GPAM: variants seen among roughly 807,000 people sequenced by gnomAD.
GPAM encodes the protein glycerol-3-phosphate acyltransferase, mitochondrial.
Under a neutral mutation model 105.0 loss-of-function variants are expected in GPAM, and 56 were observed. That is an observed-to-expected ratio of 0.53 (90% CI 0.43 to 0.67). The LOEUF is 0.67. Ranked by LOEUF, GPAM falls within the 30% of genes least tolerant of loss-of-function variation. GPAM has a pLI of 0.00. For missense variants in GPAM, 855 were observed against 989.8 expected (o/e 0.86, Z 1.83); for synonymous variants, 368 against 354.4 (o/e 1.04, Z -0.43).
chr10:112,154,958 G>A, intron 20 of GPAM: 2 of 527,830 alleles, frequency 3.8e-6, no homozygotes, highest in Non-Finnish European at 6.8e-6. Context: ...GAAATAGGGA[G>A]AACAGAGGGA....
At chr10:112,157,960 G>A (rs1255952198) in intron 18 of GPAM, among the ~76,000 whole-genome samples, 1 of 152,148 alleles carries the variant, frequency 6.6e-6, no homozygotes, top group Non-Finnish European at 1.5e-5. Flanking sequence ...TTATTTATGA[G>A]ACTGAGTCTC....
At chr10:112,193,765 G>C (rs556125420) in intron 1 of GPAM, among the ~76,000 whole-genome samples, 2 of 152,344 alleles carry the variant, frequency 1.3e-5, no homozygotes, top group East Asian at 3.9e-4. Flanking sequence ...ATTGTTTTTA[G>C]GATTTGCTTT....
intron 14 of GPAM, among the ~76,000 whole-genome samples, chr10:112,162,651 T>C (rs1458776057): frequency 1.3e-5 from 2 of 152,152 alleles, no homozygotes; most frequent in Non-Finnish European, 2.9e-5. Flanking sequence ...CTCAGTACTA[T>C]ATGTATAGCT....
Position 112,157,299 on chromosome 10 carries a change from C to A in GPAM, c.2071G>T (p.Glu691Ter). Residue 691 changes from glutamate to a stop codon, truncating the protein, a stop_gained, in exon 19 of 22, where the codon GAA (glutamate) becomes TAA (stop). Coordinates refer to ENST00000348367, the MANE Select transcript of GPAM (RefSeq NM_001244949.2). LOFTEE classifies it high-confidence loss of function. ...TCCCCAAAGTCACTGTCTTCATCTT[C>A]TTCATCACTTCTCCAAGACAAAGGT... ...PEPLSWRSDE[E>*]DEDSDFGEEQ... 6.2e-7 allele frequency: 1 copy of A among 1,613,750 alleles called. No individual in the cohort carries two copies. The highest frequency in any genetic ancestry group is 1.1e-5 in the South Asian group (1 of 91,084).
In GPAM at chr10:112,190,936, T is replaced by C. The variant is rs567970337; in HGVS notation, n.211-8045A>G. On this transcript the variant is annotated intron_variant and non_coding_transcript_variant, in intron 1 of 3. Coordinates refer to the GPAM transcript ENST00000480130. ...AGCGATTGCTCCCAAGCTAAAATAT[T>C]TGTGATATTTCTTCTTACATACACA... Among the ~76,000 whole-genome samples the C allele has an allele frequency of 3.3e-5, 5 of 152,248 alleles. No homozygotes were observed. The East Asian group carries it at 5.8e-4, about 18-fold the overall frequency.
rs1358377133 is a variant in GPAM, at chr10:112,181,786, T to C, written c.-2A>G. 7 of 1,537,468 alleles carry C rather than the reference T, an allele frequency of 4.6e-6. No individual in the cohort carries two copies. In the South Asian group the frequency reaches 5.6e-5, roughly 12 times the overall value. ...AAGGGTCAGTGCAGATTCATCCATG[T>C]CACAAAGTGTAATTCCCAAATCATG... On this transcript the variant is annotated 5_prime_UTR_variant, in exon 3 of 22. Transcript: ENST00000348367.
intron 12 of GPAM, 123 bp from the exon 13 acceptor site, chr10:112,164,733 G>A: frequency 1.4e-6 from 1 of 693,586 alleles, no homozygotes; most frequent in Admixed American, 2.1e-5. Context: ...ATAGAGCATG[G>A]GAAATACTTT....
At chr10:112,179,042 A>C (rs1273507137) in intron 4 of GPAM, among the ~76,000 whole-genome samples, 2 of 152,232 alleles carry the variant, frequency 1.3e-5, no homozygotes, top group African/African-American at 4.8e-5. Context: ...TGTTCCCTCA[A>C]CAAATATAAA....
At chr10:112,159,834 GA>G in intron 17 of GPAM, 76 bp downstream of exon 17, 2 of 1,439,298 alleles carry the variant, frequency 1.4e-6, no homozygotes, top group South Asian at 1.1e-5. Flanking sequence ...TTATCTAACA[GA>G]AAAACACGGG....
intron 21 of GPAM, 179 bp from the exon 22 acceptor site, chr10:112,153,845 A>G (rs1412563853): frequency 1.3e-5 from 8 of 606,680 alleles, no homozygotes; most frequent in Non-Finnish European, 2.2e-5. Context: ...GGAGTTTCCA[A>G]TGCAAACAAG....
chr10:112,217,238 G>A (rs1222657957), upstream of GPAM, among the ~76,000 whole-genome samples: 1 of 152,090 alleles, frequency 6.6e-6, no homozygotes, highest in Non-Finnish European at 1.5e-5. Flanking sequence ...GCCTACTCTG[G>A]ACATTTCCTA....
At chr10:112,201,644 A>G (rs898596432) in intron 1 of GPAM, among the ~76,000 whole-genome samples, 6 of 152,180 alleles carry the variant, frequency 3.9e-5, no homozygotes, top group Non-Finnish European at 5.9e-5. Flanking sequence ...TAACTTGGCT[A>G]GCAACTTTCT....
At chr10:112,160,512 C>T in intron 16 of GPAM, 92 bp downstream of exon 16, 5 of 1,322,774 alleles carry the variant, frequency 3.8e-6, no homozygotes, top group Non-Finnish European at 5.4e-6. Context: ...AAGCAAGGGG[C>T]TATCACCCAA....
chr10:112,154,755 C>T lies in GPAM; in HGVS notation c.2312-68G>A, dbSNP rs1846984952. ...CAAATCATGACAATCCCAGCAGCCACAGTAAGAAAGTATGGGGAGCTAGGA... is the reference window on the plus strand; with the variant it reads ...CAAATCATGACAATCCCAGCAGCCATAGTAAGAAAGTATGGGGAGCTAGGA... On this transcript the variant is annotated intron_variant, in intron 20 of 21. Coordinates refer to ENST00000348367, the MANE Select transcript of GPAM (RefSeq NM_001244949.2). The T allele has an allele frequency of 2.4e-6, 3 of 1,250,664 alleles. No homozygotes were observed. The Admixed American group carries it at 5.1e-5, about 21-fold the overall frequency. The allele number at this position is 1,250,664 out of a possible 1,614,324, so 77.5% of individuals were successfully genotyped here. A position where few individuals can be genotyped will look rare whatever the true frequency, so the allele number is the denominator to read the frequency against.
At chr10:112,162,147 T>G (rs2133236070) in intron 14 of GPAM, among the ~76,000 whole-genome samples, 1 of 152,370 alleles carries the variant, frequency 6.6e-6, no homozygotes, top group Non-Finnish European at 1.5e-5. Flanking sequence ...CTCTTCTTGC[T>G]GGTATTCACC....
In GPAM at chr10:112,155,989, A is replaced by G; in HGVS notation, c.2186T>C (p.Leu729Pro). Residue 729 changes from leucine to proline, a missense_variant, in exon 20 of 22, where the codon CTG (leucine) becomes CCG (proline). Coordinates refer to ENST00000348367, the MANE Select transcript of GPAM (RefSeq NM_001244949.2). ...GATGGCAGCAGAGCTGTAGGCCTCC[A>G]GCAAAGGCCCAAGGAGTCTCTGTAA... Reference protein sequence around the residue: ...TFLQRLLGPLLEAYSSAAIFV... With the variant: ...TFLQRLLGPLPEAYSSAAIFV... The G allele has an allele frequency of 6.2e-7, 1 of 1,612,246 alleles. No homozygotes were observed. Among genetic ancestry groups the G allele is most frequent in the Non-Finnish European group, 8.5e-7 (1 of 1,178,322 alleles).
At chr10:112,177,542 G>C (rs1847428844) in intron 5 of GPAM, among the ~76,000 whole-genome samples, 1 of 152,130 alleles carries the variant, frequency 6.6e-6, no homozygotes, top group Non-Finnish European at 1.5e-5. Context: ...AAAGTCTTGG[G>C]TAAATAGTAA....
Position 112,156,003 on chromosome 10 carries a change from G to A in GPAM, c.2172C>T (p.Leu724=), listed in dbSNP as rs781474372. 8.9e-5 allele frequency: 143 copies of A among 1,613,074 alleles called. No homozygotes were observed. Among genetic ancestry groups the A allele is most frequent in the Non-Finnish European group, 1.2e-4 (142 of 1,179,266 alleles). ...TGTAGGCCTCCAGCAAAGGCCCAAG[G>A]AGTCTCTGTAAGAAGGTGATAAACT... is the stretch of plus-strand genomic sequence containing the variant. ...HQQFITFLQR[L]LGPLLEAYSS... Residue 724 remains leucine (L), a synonymous_variant, in exon 20 of 22, where the codon CTC becomes CTT. Coordinates refer to ENST00000348367, the MANE Select transcript of GPAM (RefSeq NM_001244949.2).
chr10:112,164,413 TAAG>T, intron 13 of GPAM, 109 bp downstream of exon 13: 2 of 708,660 alleles, frequency 2.8e-6, no homozygotes, highest in Middle Eastern at 2.4e-4. Flanking sequence ...AAAAGTTACT[TAAG>T]AAGTGAAAAT....
Sources: gnomAD v4.1 joint callset for allele counts (sites outside exome capture counted in the v4.1 genomes callset) on GRCh38, gnomAD v4.1.1 for gene constraint, MANE v1.5 for transcripts, NCBI Gene and HGNC (gene_info 2026-07-23, HGNC 2026-07-21) for gene names.